Variants in RTN1 observed in about 807,000 individuals in gnomAD.
RTN1 encodes the protein reticulon 1.
Under a neutral mutation model 65.5 loss-of-function variants are expected in RTN1, and 25 were observed. That is an observed-to-expected ratio of 0.38 (90% CI 0.28 to 0.53). The LOEUF (loss-of-function observed/expected upper bound fraction) is 0.53. RTN1 is among the 20% of genes least tolerant of loss of function. The pLI, the probability that RTN1 is intolerant of heterozygous loss-of-function variation, is 0.79. For synonymous variants in RTN1, 471 were observed against 447.6 expected (o/e 1.05, Z -0.66); for missense variants, 983 against 1,025.4 (o/e 0.96, Z 0.57).
At chr14:59,743,959 A>G (rs1017444891) in intron 2 of RTN1, among the ~76,000 whole-genome samples, 14 of 152,166 alleles carry the variant, frequency 9.2e-5, no homozygotes, top group Non-Finnish European at 1.8e-4. Flanking sequence ...CAACCAAAAG[A>G]AAGTATGTAG....
At chr14:59,710,134 C>T (rs990160778) in intron 3 of RTN1, among the ~76,000 whole-genome samples, 4 of 151,746 alleles carry the variant, frequency 2.6e-5, no homozygotes, top group Non-Finnish European at 4.4e-5. Context: ...CCTTACCCTC[C>T]CAGGCTCAAG....
intron 3 of RTN1, among the ~76,000 whole-genome samples, chr14:59,719,975 C>A (rs535235761): frequency 6.6e-6 from 1 of 152,238 alleles, no homozygotes; most frequent in Non-Finnish European, 1.5e-5. Flanking sequence ...CCTCTACAGG[C>A]AAGTTTAAGG....
chr14:59,621,632 T>C (rs1882256007), intron 3 of RTN1, among the ~76,000 whole-genome samples: 1 of 152,170 alleles, frequency 6.6e-6, no homozygotes, highest in Non-Finnish European at 1.5e-5. Flanking sequence ...TAGAATCCAA[T>C]CAATAACAAA....
chr14:59,617,939 C>G (rs1478556584), intron 3 of RTN1, among the ~76,000 whole-genome samples: 1 of 152,132 alleles, frequency 6.6e-6, no homozygotes, highest in African/African-American at 2.4e-5. Flanking sequence ...TGGCCTTGTC[C>G]CATCTTCACA....
chr14:59,776,426 G>A (rs140878543), intron 1 of RTN1, among the ~76,000 whole-genome samples: 31 of 152,210 alleles, frequency 2.0e-4, no homozygotes, highest in Non-Finnish European at 4.1e-4. Context: ...ATGCCATGAT[G>A]CAGTAAAGCC....
At chr14:59,832,331 T>C (rs1462865143) in intron 1 of RTN1, among the ~76,000 whole-genome samples, 1 of 152,154 alleles carries the variant, frequency 6.6e-6, no homozygotes, top group Non-Finnish European at 1.5e-5. Context: ...TCGTTCTTTC[T>C]ATTACTCCCT....
At chr14:59,853,204 A>C (rs759916189) in intron 1 of RTN1, among the ~76,000 whole-genome samples, 1 of 152,106 alleles carries the variant, frequency 6.6e-6, no homozygotes, top group Non-Finnish European at 1.5e-5. Context: ...CGATTTTTTA[A>C]ATTACTAATC....
At chr14:59,696,593 C>G (rs913956665) in intron 3 of RTN1, among the ~76,000 whole-genome samples, 1 of 151,918 alleles carries the variant, frequency 6.6e-6, no homozygotes, top group Non-Finnish European at 1.5e-5. Context: ...GCAGGGCTGG[C>G]AGGCTGGGGG....
intron 1 of RTN1, among the ~76,000 whole-genome samples, chr14:59,800,575 C>T (rs8007695): frequency 0.2 from 30,174 of 151,852 alleles, 4,319 homozygotes; most frequent in African/African-American, 0.4. Context: ...TAACTTCTTA[C>T]ATTTTTAGTA....
At chr14:59,656,530 G>A (rs201510978) in intron 3 of RTN1, among the ~76,000 whole-genome samples, 4 of 152,302 alleles carry the variant, frequency 2.6e-5, no homozygotes, top group Admixed American at 2.0e-4. Flanking sequence ...TATACATACA[G>A]GTTAATGGAA....
intron 3 of RTN1, among the ~76,000 whole-genome samples, chr14:59,703,584 C>T (rs1414134188): frequency 6.6e-6 from 1 of 152,160 alleles, no homozygotes; most frequent in African/African-American, 2.4e-5. Context: ...ATAAATTACC[C>T]AGCTTCAGGT....
At chr14:59,817,117 G>C (rs1336891295) in intron 1 of RTN1, among the ~76,000 whole-genome samples, 2 of 151,768 alleles carry the variant, frequency 1.3e-5, no homozygotes, top group Non-Finnish European at 2.9e-5. Context: ...TTGTTACTAA[G>C]AGCCTATGTG....
intron 3 of RTN1, among the ~76,000 whole-genome samples, chr14:59,645,695 C>T (rs1226980449): frequency 6.6e-6 from 1 of 152,214 alleles, no homozygotes; most frequent in Non-Finnish European, 1.5e-5. Context: ...CACAGAGCAT[C>T]CACCTAATGG....
intron 3 of RTN1, among the ~76,000 whole-genome samples, chr14:59,652,805 AAAATAAAAGTTAAAAAAACACAG>A (rs1186000303): frequency 1.3e-5 from 2 of 152,138 alleles, no homozygotes; most frequent in Non-Finnish European, 1.5e-5. Context: ...CCCTGAATCT[AAAATAAAAGTTAAAAAAACACAG>A]AATTATTAAA....
At chr14:59,757,201 G>A (rs555538813) in intron 1 of RTN1, among the ~76,000 whole-genome samples, 4 of 152,180 alleles carry the variant, frequency 2.6e-5, no homozygotes, top group African/African-American at 9.6e-5. Flanking sequence ...GGGAGGTGAG[G>A]AGATCATGAG....
chr14:59,617,219 C>G (rs971823948), intron 3 of RTN1, among the ~76,000 whole-genome samples: 1 of 152,200 alleles, frequency 6.6e-6, no homozygotes, highest in East Asian at 1.9e-4. Context: ...ACCTTGTTCA[C>G]AAAGTCCCTG....
At chr14:59,639,414 T>C (rs985397877) in intron 3 of RTN1, among the ~76,000 whole-genome samples, 1 of 152,180 alleles carries the variant, frequency 6.6e-6, no homozygotes, top group Non-Finnish European at 1.5e-5. Context: ...ATTTGTGTTT[T>C]AAAAAAAGCA....
At chr14:59,693,989 C>T (rs1005835591) in intron 3 of RTN1, among the ~76,000 whole-genome samples, 2 of 152,188 alleles carry the variant, frequency 1.3e-5, no homozygotes, top group African/African-American at 4.8e-5. Flanking sequence ...TGCTCAGAAC[C>T]AGGCTGAGTT....
rs549616428 is a variant in RTN1 at position 59,801,248 on chromosome 14, T to G, written c.242-54767A>C. On this transcript the variant is annotated intron_variant, in intron 1 of 8. Transcript: ENST00000267484. ...CAAAAAATCACTGATTCAAGAACCCTAGGAGACTCCAAGCAGGTAAAACAA... is the reference window on the plus strand; with the variant it reads ...CAAAAAATCACTGATTCAAGAACCCGAGGAGACTCCAAGCAGGTAAAACAA... Among the ~76,000 whole-genome samples the G allele has an allele frequency of 5.3e-5, 8 of 152,242 alleles. No homozygotes were observed. The South Asian group carries it at 1.7e-3, about 32-fold the overall frequency.
Sources: allele counts gnomAD v4.1 joint callset (sites outside exome capture counted in the v4.1 genomes callset), GRCh38; gene constraint gnomAD v4.1.1; transcripts MANE v1.5; gene names NCBI Gene and HGNC (gene_info 2026-07-23, HGNC 2026-07-21).